Variants in GATAD2A observed in about 807,000 individuals in gnomAD.
GATAD2A encodes transcriptional repressor p66-alpha.
In GATAD2A, 12 loss-of-function variants were observed where a neutral mutation model predicts 68.5. The observed-to-expected ratio is 0.18, with a 90% CI of 0.11 to 0.28. GATAD2A has a LOEUF of 0.28. Ranked by LOEUF, GATAD2A falls within the 10% of genes least tolerant of loss-of-function variation. The pLI is 1.00. For missense variants in GATAD2A, 755 were observed against 868.5 expected (o/e 0.87, Z 1.64); for synonymous variants, 410 against 375.3 (o/e 1.09, Z -1.07).
chr19:19,465,636 G>T, intron 2 of GATAD2A, 22 bp downstream of exon 2: 1 of 1,578,548 alleles, frequency 6.3e-7, no homozygotes, highest in Non-Finnish European at 8.6e-7. Flanking sequence ...GAGCCAGCGG[G>T]AGGGGCTGGA....
Position 19,440,674 on chromosome 19 carries a change from C to T in GATAD2A, c.-6-24666C>T, listed in dbSNP as rs1055644439. ...CTTTCTTTGTAGCATCATGTACGTG[C>T]TTCACATAATTATAAAACAAAAGCC... On this transcript the variant is annotated intron_variant, in intron 1 of 11. Transcript: ENST00000683918. 1.2e-4 allele frequency among the ~76,000 whole-genome samples: 18 copies of T among 152,248 alleles called. No homozygotes were observed. The East Asian group carries it at 2.9e-3, about 24-fold the overall frequency.
Position 19,495,877 on chromosome 19 carries a change from G to C in GATAD2A, c.748G>C (p.Gly250Arg). ...GGTCGTCATGCCCCCACTCGTCAGG[G>C]GGGCTCAGGTAAGCAGGGCTGTGCA... ...SQVVMPPLVR[G>R]AQQIHSIRQH... Residue 250 changes from glycine (G) to arginine (R), a missense_variant, in exon 6 of 12, where the codon GGG (glycine) becomes CGG (arginine). By Grantham distance (125) the Gly-to-Arg change is moderately radical (BLOSUM62 -2). Coordinates refer to ENST00000683918, the MANE Select transcript of GATAD2A (RefSeq NM_001384528.1). 6.2e-7 allele frequency: 1 copy of C among 1,612,722 alleles called. No individual in the cohort carries two copies. Among genetic ancestry groups the C allele is most frequent in the East Asian group, 2.2e-5 (1 of 44,838 alleles).
upstream of GATAD2A, chr19:19,402,146 A>AC (rs2049810512): frequency 6.6e-6 from 1 of 151,886 alleles, no homozygotes; most frequent in Non-Finnish European, 1.5e-5. Flanking sequence ...GCAGCCTCAA[A>AC]CTCCTGGGCT....
At chr19:19,424,495 G>T (rs1185356469) in intron 1 of GATAD2A, among the ~76,000 whole-genome samples, 1 of 152,130 alleles carries the variant, frequency 6.6e-6, no homozygotes, top group African/African-American at 2.4e-5. Flanking sequence ...CTCCCAAAGC[G>T]CTGGGATTAC....
At chr19:19,420,348 T>C (rs1274218806) in intron 1 of GATAD2A, among the ~76,000 whole-genome samples, 1 of 144,286 alleles carries the variant, frequency 6.9e-6, no homozygotes, top group Admixed American at 6.9e-5. Flanking sequence ...TTTTTTTTTT[T>C]TGATACGGGG....
intron 1 of GATAD2A, among the ~76,000 whole-genome samples, chr19:19,436,416 AAAAG>A (rs1031183058): frequency 2.0e-5 from 3 of 152,234 alleles, no homozygotes; most frequent in Non-Finnish European, 4.4e-5. Context: ...GCCTCAGGGA[AAAAG>A]AAACCATTCT....
chr19:19,427,532 A>T (rs1035676700), intron 1 of GATAD2A: 1 of 152,050 alleles, frequency 6.6e-6, no homozygotes, highest in African/African-American at 2.4e-5. Context: ...CGGATATTCT[A>T]TGGGTTTTCT....
rs749708572 is a variant in GATAD2A, at chr19:19,498,586, G to A, written c.1068G>A (p.Leu356=). 5 of 1,613,796 alleles carry A rather than the reference G, an allele frequency of 3.1e-6. No individual in the cohort carries two copies. The highest frequency in any genetic ancestry group is 1.7e-5 in the Admixed American group (1 of 60,008). The change falls in exon 8 of 12, where the codon CTG becomes CTA. Residue 356 remains leucine (L), a synonymous_variant. Transcript: ENST00000683918. ...AAAKLALRKQ[L]EKTLLEIPPP... ...CCAAGCTGGCGCTGCGCAAACAGCT[G>A]GAGAAGACGCTACTCGAGATCCCCC...
chr19:19,484,058 C>G (rs1224120807), intron 2 of GATAD2A, among the ~76,000 whole-genome samples: 1 of 151,972 alleles, frequency 6.6e-6, no homozygotes, highest in Non-Finnish European at 1.5e-5. Flanking sequence ...GTGAGCAGCC[C>G]CCACGTCCAG....
chr19:19,450,030 T>G (rs2056205157), intron 1 of GATAD2A, among the ~76,000 whole-genome samples: 1 of 152,150 alleles, frequency 6.6e-6, no homozygotes, highest in Admixed American at 6.5e-5. Flanking sequence ...CCTCAAGAGA[T>G]CCTCTTGCCT....
intron 2 of GATAD2A, among the ~76,000 whole-genome samples, chr19:19,466,736 A>G (rs2054321916): frequency 6.6e-6 from 1 of 152,202 alleles, no homozygotes; most frequent in Non-Finnish European, 1.5e-5. Flanking sequence ...CCTGCTGTCC[A>G]AAGAGGGCTT....
chr19:19,497,969 C>T (rs1361409059), intron 7 of GATAD2A, among the ~76,000 whole-genome samples: 1 of 152,180 alleles, frequency 6.6e-6, no homozygotes, highest in Non-Finnish European at 1.5e-5. Context: ...TCGGGGACTA[C>T]CTCAAACATT....
Position 19,505,779 on chromosome 19 carries a change from GCTGGTTCTGCTCCTGGCCCC to G in GATAD2A, c.*308_*327del. On this transcript the variant is annotated 3_prime_UTR_variant, in exon 12 of 12. Coordinates refer to ENST00000683918, the MANE Select transcript of GATAD2A (RefSeq NM_001384528.1). ...ACCAGCAGAAAAGTGGACCTTGGGGGCTGGTTCTGCTCCTGGCCCCCTTGTTCAGCCCCTGCCGGCACACG... is the reference window on the plus strand; with the variant it reads ...ACCAGCAGAAAAGTGGACCTTGGGGGCTTGTTCAGCCCCTGCCGGCACACG... 1 of 462,800 alleles carries G rather than the reference GCTGGTTCTGCTCCTGGCCCC, an allele frequency of 2.2e-6. No homozygotes were observed. 28.7% of individuals were successfully genotyped at this position (462,800 alleles called of 1,614,324 possible). A position where few individuals can be genotyped will look rare whatever the true frequency, so the allele number is the denominator to read the frequency against.
chr19:19,497,746 T>C (rs530228020), intron 7 of GATAD2A, among the ~76,000 whole-genome samples: 121 of 152,278 alleles, frequency 7.9e-4, no homozygotes, highest in South Asian at 2.7e-3. Flanking sequence ...AGAGGGGTCC[T>C]CAGCCCCTAA....
intron 1 of GATAD2A, among the ~76,000 whole-genome samples, chr19:19,433,972 C>T (rs920557467): frequency 2.6e-5 from 4 of 152,200 alleles, no homozygotes; most frequent in Admixed American, 6.5e-5. Context: ...GGGGTTTTGC[C>T]ATATTGGCCA....
chr19:19,431,263 T>C (rs1399255796), intron 1 of GATAD2A, among the ~76,000 whole-genome samples: 1 of 151,016 alleles, frequency 6.6e-6, no homozygotes, highest in Non-Finnish European at 1.5e-5. Context: ...CTAGTTGTGA[T>C]CATGCTGAGT....
chr19:19,443,699 G>C (rs2055366038), intron 1 of GATAD2A, among the ~76,000 whole-genome samples: 1 of 152,128 alleles, frequency 6.6e-6, no homozygotes, highest in South Asian at 2.1e-4. Context: ...TACTCTGTGG[G>C]TGGATTTGAA....
intron 2 of GATAD2A, among the ~76,000 whole-genome samples, chr19:19,467,171 T>G (rs1230991328): frequency 1.3e-5 from 2 of 152,082 alleles, no homozygotes; most frequent in Non-Finnish European, 2.9e-5. Context: ...GTCAGGAGAT[T>G]GAGACCATCC....
At chr19:19,453,601 T>G (rs1426377419) in intron 1 of GATAD2A, among the ~76,000 whole-genome samples, 1 of 152,074 alleles carries the variant, frequency 6.6e-6, no homozygotes, top group African/African-American at 2.4e-5. Flanking sequence ...ATTCAAGCAG[T>G]CCTTCCACCT....
Sources: gnomAD v4.1 joint callset for allele counts (sites outside exome capture counted in the v4.1 genomes callset) on GRCh38, gnomAD v4.1.1 for gene constraint, MANE v1.5 for transcripts, NCBI Gene and HGNC (gene_info 2026-07-23, HGNC 2026-07-21) for gene names.